Variants in HEPHL1 observed in about 807,000 individuals in gnomAD.
HEPHL1 encodes hephaestin like 1, also known as ferroxidase HEPHL1.
HEPHL1 carries 123 observed loss-of-function variants against 122.0 expected under a neutral mutation model. The ratio of observed to expected loss-of-function variants is 1.01; its 90% CI spans 0.87 to 1.17. HEPHL1 has a LOEUF of 1.17. HEPHL1 is among the 50% of genes most tolerant of loss of function. HEPHL1 has a pLI of 0.00. For missense variants in HEPHL1, 1,452 were observed against 1,430.5 expected (o/e 1.01, Z -0.24); for synonymous variants, 527 against 508.9 (o/e 1.04, Z -0.48).
intron 5 of HEPHL1, among the ~76,000 whole-genome samples, chr11:94,068,223 T>C (rs1946049714): frequency 6.6e-6 from 1 of 152,170 alleles, no homozygotes; most frequent in Non-Finnish European, 1.5e-5. Flanking sequence ...AAAACACATG[T>C]TCTTTTTGAG....
intron 2 of HEPHL1, among the ~76,000 whole-genome samples, chr11:94,053,848 T>C (rs1008716170): frequency 2.6e-5 from 4 of 152,242 alleles, no homozygotes; most frequent in Non-Finnish European, 5.9e-5. Context: ...TTTCAATGTA[T>C]TGAAACTTAT....
Position 94,104,548 on chromosome 11 carries a change from G to C in HEPHL1, c.2703G>C (p.Met901Ile). ...TCCAGGATACGTATAGTGGTTTGAT[G>C]GGTCCTCTGATTACATGCCGAAAAG... is the stretch of plus-strand genomic sequence containing the variant. ...NFVKDTYSGL[M>I]GPLITCRKGV... The change falls in exon 16 of 20, where the codon ATG becomes ATC. Residue 901 changes from methionine to isoleucine, a missense_variant. Coordinates refer to ENST00000315765, the MANE Select transcript of HEPHL1 (RefSeq NM_001098672.2). The C allele has an allele frequency of 6.2e-7, 1 of 1,612,882 alleles. No homozygotes were observed. The highest frequency in any genetic ancestry group is 1.1e-5 in the South Asian group (1 of 91,042).
chr11:94,027,340 T>C (rs1914723), intron 1 of HEPHL1, among the ~76,000 whole-genome samples: 31,491 of 152,120 alleles, frequency 0.21, 3,994 homozygotes, highest in African/African-American at 0.36. Flanking sequence ...TGCGGAGTTA[T>C]CTTTGGGACT....
At chr11:94,084,336 TTAAA>T (rs5793669) in intron 10 of HEPHL1, among the ~76,000 whole-genome samples, 61,685 of 146,534 alleles carry the variant, frequency 0.42, 13,440 homozygotes, top group Admixed American at 0.48. Context: ...CTCTCTCTGT[TTAAA>T]TAAATAAATA....
chr11:94,060,092 TTATATATATATATA>T (rs1164147552), intron 2 of HEPHL1, among the ~76,000 whole-genome samples: 134 of 2,552 alleles, frequency 0.053, 3 homozygotes, highest in Admixed American at 0.061. Flanking sequence ...TCATATTTTA[TTATATATATATATA>T]TATATATATA....
chr11:94,106,154 G>A, intron 17 of HEPHL1, 24 bp downstream of exon 17: 1 of 1,509,884 alleles, frequency 6.6e-7, no homozygotes, highest in Non-Finnish European at 8.9e-7. Context: ...AAGTGCTTTG[G>A]GAAAGACGTT....
At chr11:94,088,328 G>C (rs989212522) in intron 11 of HEPHL1, among the ~76,000 whole-genome samples, 3 of 151,862 alleles carry the variant, frequency 2.0e-5, no homozygotes, top group African/African-American at 4.8e-5. Flanking sequence ...AATCCTTTAG[G>C]GCAAAATACT....
At chr11:94,051,688 G>A (rs1202113511) in intron 2 of HEPHL1, among the ~76,000 whole-genome samples, 1 of 152,056 alleles carries the variant, frequency 6.6e-6, no homozygotes, top group East Asian at 1.9e-4. Context: ...CTGGCTTGTG[G>A]GGTATTACTC....
At chr11:94,087,855 G>A (rs183252854) in intron 11 of HEPHL1, among the ~76,000 whole-genome samples, 243 of 152,212 alleles carry the variant, frequency 1.6e-3, no homozygotes, top group Non-Finnish European at 2.9e-3. Flanking sequence ...GTAACTAGGC[G>A]ATGTTTAGAC....
chr11:94,051,144 C>T (rs969419125), intron 2 of HEPHL1, among the ~76,000 whole-genome samples: 2 of 151,994 alleles, frequency 1.3e-5, no homozygotes, highest in African/African-American at 4.8e-5. Context: ...TTGGGGGGTA[C>T]ATTAAAATGG....
At chr11:94,048,261 C>T (rs966165807) in intron 2 of HEPHL1, among the ~76,000 whole-genome samples, 8 of 152,070 alleles carry the variant, frequency 5.3e-5, no homozygotes, top group African/African-American at 1.9e-4. Flanking sequence ...GTTTCCACAT[C>T]TTGGCTATTG....
At chr11:94,037,970 G>GA (rs1945741487) in intron 1 of HEPHL1, among the ~76,000 whole-genome samples, 1 of 148,792 alleles carries the variant, frequency 6.7e-6, no homozygotes, top group Non-Finnish European at 1.5e-5. Flanking sequence ...TGAAAACTTT[G>GA]AAAAAAATTT....
At chr11:94,037,048 C>A (rs1334239581) in intron 1 of HEPHL1, among the ~76,000 whole-genome samples, 1 of 152,204 alleles carries the variant, frequency 6.6e-6, no homozygotes, top group Non-Finnish European at 1.5e-5. Context: ...AAGGCATTGC[C>A]TCACCTGGGA....
chr11:94,081,625 A>G (rs1946170581), intron 9 of HEPHL1, among the ~76,000 whole-genome samples: 1 of 152,170 alleles, frequency 6.6e-6, no homozygotes, highest in Non-Finnish European at 1.5e-5. Flanking sequence ...AACATAATTT[A>G]GCTAAGTCTC....
chr11:94,077,168 C>A (rs1000560250), intron 9 of HEPHL1, among the ~76,000 whole-genome samples: 1 of 152,070 alleles, frequency 6.6e-6, no homozygotes, highest in Admixed American at 6.6e-5. Context: ...AAACAAGGAC[C>A]CTCTCTGACA....
chr11:94,103,301 G>C (rs1239841338), intron 15 of HEPHL1, among the ~76,000 whole-genome samples: 1 of 140,620 alleles, frequency 7.1e-6, no homozygotes, highest in Non-Finnish European at 1.5e-5. Flanking sequence ...AAAAAAGTTT[G>C]GTGACCCTTG....
chr11:94,064,353 G>T lies in HEPHL1; in HGVS notation c.651G>T (p.Gly217=). The change falls in exon 4 of 20, where the codon GGG becomes GGT. Residue 217 remains glycine, a synonymous_variant. Transcript: ENST00000315765. The part of the protein sequence containing the change: ...CKEGILNRYS[G]TRNDVDREFV... ...CAGGTATCCTGAATAGATATTCAGG[G>T]ACACGGAATGATGTGGATCGAGAGT... 6.2e-7 allele frequency: 1 copy of T among 1,612,456 alleles called. No individual in the cohort carries two copies.
At chr11:94,080,381 G>T (rs994341319) in intron 9 of HEPHL1, among the ~76,000 whole-genome samples, 1 of 152,132 alleles carries the variant, frequency 6.6e-6, no homozygotes, top group African/African-American at 2.4e-5. Context: ...CAGGCCATAG[G>T]CACAGGCAAA....
At position 94,032,953 on chromosome 11, in the gene HEPHL1, G is replaced by A. The variant is rs536071800; in HGVS notation, c.170+11415G>A. ...TGCGTACAGCTCCAGTAAACACACC[G>A]CACCTGCTCATCTCCCAAGTGCTAG... is the stretch of plus-strand genomic sequence containing the variant. On this transcript the variant is annotated intron_variant, in intron 1 of 19. Transcript: ENST00000315765. 1.9e-4 allele frequency among the ~76,000 whole-genome samples: 29 copies of A among 152,180 alleles called. 1 individual carries two copies. The South Asian group carries it at 5.8e-3, about 30-fold the overall frequency.
Sources: allele counts gnomAD v4.1 joint callset (sites outside exome capture counted in the v4.1 genomes callset), GRCh38; gene constraint gnomAD v4.1.1; transcripts MANE v1.5; gene names NCBI Gene and HGNC (gene_info 2026-07-23, HGNC 2026-07-21).